VPS13A: variants seen among roughly 807,000 people sequenced by gnomAD.
VPS13A encodes the protein intermembrane lipid transfer protein VPS13A.
Under a neutral mutation model 390.9 loss-of-function variants are expected in VPS13A, and 264 were observed. That is an observed-to-expected ratio of 0.68 (90% confidence interval 0.61 to 0.75). VPS13A has a LOEUF of 0.75. VPS13A is among the 30% of genes least tolerant of loss of function. The pLI, the probability that VPS13A is intolerant of heterozygous loss-of-function variation, is 0.00. For missense variants in VPS13A, 3,409 were observed against 3,733.9 expected (o/e 0.91, Z 2.27); for synonymous variants, 1,231 against 1,227.1 (o/e 1.00, Z -0.07).
intron 3 of VPS13A, among the ~76,000 whole-genome samples, chr9:77,202,371 ATACT>A (rs1254627674): frequency 2.0e-5 from 3 of 152,112 alleles, no homozygotes; most frequent in Admixed American, 6.5e-5. Context: ...TACATTTTAA[ATACT>A]TACAAGTTTA....
intron 33 of VPS13A, among the ~76,000 whole-genome samples, chr9:77,299,857 C>T (rs1056435374): frequency 6.6e-6 from 1 of 152,048 alleles, no homozygotes; most frequent in Non-Finnish European, 1.5e-5. Flanking sequence ...TGTTCTCACT[C>T]ATAAGTGGGA....
chr9:77,205,996 T>G lies in VPS13A; in HGVS notation c.302T>G (p.Leu101Ter). The change falls in exon 5 of 72, where the codon TTA (leucine) becomes TGA (stop). Residue 101 changes from leucine to a stop codon, truncating the protein, a stop_gained. Transcript: ENST00000360280. LOFTEE classifies it high-confidence loss of function. ...VPSSRIKYDP[L>*]KEEKQLMEAK... ...CCTATAGGAATAAAATATGATCCTT[T>G]AAAAGAAGAGAAACAACTCATGGAA... 1 of 1,574,324 alleles carries G rather than the reference T, an allele frequency of 6.4e-7. No homozygotes were observed. Among genetic ancestry groups the G allele is most frequent in the Non-Finnish European group, 8.6e-7 (1 of 1,157,522 alleles).
intron 41 of VPS13A, 99 bp from the exon 42 acceptor site, chr9:77,319,473 A>G (rs1286656517): frequency 3.9e-6 from 3 of 778,924 alleles, no homozygotes; most frequent in South Asian, 1.4e-5. Flanking sequence ...ACTGAATGGC[A>G]TGTAGACTGG....
intron 64 of VPS13A, 34 bp downstream of exon 64, chr9:77,370,366 G>C: frequency 6.2e-7 from 1 of 1,614,122 alleles, no homozygotes; most frequent in Non-Finnish European, 8.5e-7. Context: ...GTATTTTTGT[G>C]CTAGAAAGTA....
rs1416565112 is a variant in VPS13A, at chr9:77,419,784, T to A, written c.*3778T>A. 6.6e-6 allele frequency: 1 copy of A among 152,214 alleles called. No individual in the cohort carries two copies. The highest frequency in any genetic ancestry group is 1.5e-5 in the Non-Finnish European group (1 of 68,038). The allele number at this position is 152,214 out of a possible 1,614,324, so 9.4% of individuals were successfully genotyped here. On this transcript the variant is annotated 3_prime_UTR_variant, in exon 72 of 72. Transcript: ENST00000360280. The stretch of plus-strand genomic sequence containing the variant: ...ATAGAACTGGGGACATACATTGTCC[T>A]TTTGAGTCCGTTGAATCTGCACCAT...
intron 13 of VPS13A, 144 bp from the exon 14 acceptor site, chr9:77,225,782 A>G: frequency 3.3e-6 from 2 of 602,502 alleles, no homozygotes; most frequent in Admixed American, 2.8e-5. Context: ...AGAATTTAAC[A>G]TATGTATTAT....
chr9:77,409,412 G>A (rs551689470), intron 71 of VPS13A, among the ~76,000 whole-genome samples: 6 of 152,280 alleles, frequency 3.9e-5, no homozygotes, highest in African/African-American at 4.8e-5. Context: ...CCAAAGGAAC[G>A]CAGCTCCTCA....
chr9:77,333,241 A>G (rs896362839), intron 46 of VPS13A, among the ~76,000 whole-genome samples: 2 of 152,152 alleles, frequency 1.3e-5, no homozygotes, highest in African/African-American at 2.4e-5. Flanking sequence ...ATCTCTGTCC[A>G]TAGTAGAGAA....
chr9:77,340,838 C>T (rs900472488), intron 50 of VPS13A: 5 of 344,594 alleles, frequency 1.5e-5, no homozygotes, highest in East Asian at 6.4e-5. Context: ...GATGTAAATG[C>T]ACCAAAGAGA....
chr9:77,209,442 A>G lies in VPS13A; in HGVS notation c.405A>G (p.Lys135=), dbSNP rs775270304. ...VVDQEQHLPE[K]QDTFAEKLVT... is the part of the protein sequence containing the mutation. Reference sequence around the variant, plus strand: ...TTGTAGAACAACATCTGCCGGAAAAACAGGACACTTTTGCAGAAAAATTAG... The same window carrying G: ...TTGTAGAACAACATCTGCCGGAAAAGCAGGACACTTTTGCAGAAAAATTAG... Residue 135 remains lysine, a synonymous_variant, in exon 6 of 72, where the codon AAA becomes AAG. Coordinates refer to ENST00000360280, the MANE Select transcript of VPS13A (RefSeq NM_033305.3). The G allele has an allele frequency of 6.8e-6, 11 of 1,612,398 alleles. No individual in the cohort carries two copies. The highest frequency in any genetic ancestry group is 1.3e-5 in the African/African-American group (1 of 74,892).
At position 77,369,283 on chromosome 9, in the gene VPS13A, C is replaced by T; in HGVS notation, c.8554-16C>T. ...CTAATTATCTGAATTGATTAATGTT[C>T]ATATTTTATTTTTAGGCCATTAAGC... is the stretch of plus-strand genomic sequence containing the variant. On this transcript the variant is annotated splice_polypyrimidine_tract_variant and intron_variant, in intron 62 of 71. Transcript: ENST00000360280. 3 of 1,536,036 alleles carry T rather than the reference C, an allele frequency of 2.0e-6. No individual in the cohort carries two copies. The highest frequency in any genetic ancestry group is 2.7e-6 in the Non-Finnish European group (3 of 1,108,988).
chr9:77,361,690 T>C (rs1003110362), intron 59 of VPS13A, among the ~76,000 whole-genome samples: 26 of 152,138 alleles, frequency 1.7e-4, no homozygotes, highest in African/African-American at 5.8e-4. Context: ...CTCAATCACA[T>C]AGTAACCTTA....
intron 26 of VPS13A, 124 bp downstream of exon 26, chr9:77,276,345 C>T: frequency 1.1e-6 from 1 of 912,418 alleles, no homozygotes; most frequent in Non-Finnish European, 1.6e-6. Context: ...AGAACCATTC[C>T]TTTTTGAGTT....
At chr9:77,210,877 C>CTAT (rs1388917284) in intron 7 of VPS13A, among the ~76,000 whole-genome samples, 1 of 152,022 alleles carries the variant, frequency 6.6e-6, no homozygotes, top group Non-Finnish European at 1.5e-5. Context: ...ATATGAGGTC[C>CTAT]TATTATTATT....
At position 77,318,488 on chromosome 9, in the gene VPS13A, T is replaced by C. The variant is rs749863339; in HGVS notation, c.5210T>C (p.Ile1737Thr). Residue 1737 changes from isoleucine (I) to threonine (T), a missense_variant, in exon 41 of 72, where the codon ATT becomes ACT. By Grantham distance (89) the Ile-to-Thr change is moderately conservative. This residue lies in a region of VPS13A where 2,717 missense variants were observed against 2,917.4 expected (regional missense o/e 0.93). Transcript: ENST00000360280. ...ATTTTTATAGTTCTTGAGGCTGGAA[T>C]TGGTCATAGAACAGTACCTATGCTT... is the stretch of plus-strand genomic sequence containing the variant. ...DSIFIVLEAG[I>T]GHRTVPMLLA... The C allele has an allele frequency of 2.5e-6, 4 of 1,613,970 alleles. No homozygotes were observed. Among genetic ancestry groups the C allele is most frequent in the Non-Finnish European group, 3.4e-6 (4 of 1,179,916 alleles).
chr9:77,342,898 C>T (rs566554736), intron 50 of VPS13A, among the ~76,000 whole-genome samples: 9 of 152,142 alleles, frequency 5.9e-5, no homozygotes, highest in Non-Finnish European at 8.8e-5. Context: ...ATTGTCTCAC[C>T]GTCTAGGAAA....
chr9:77,414,088 A>C (rs1316111671), intron 71 of VPS13A, among the ~76,000 whole-genome samples: 3 of 152,208 alleles, frequency 2.0e-5, no homozygotes, highest in Non-Finnish European at 4.4e-5. Flanking sequence ...GTCAGGAAAC[A>C]ACAGGTGCTG....
Position 77,370,508 on chromosome 9 carries a change from G to A in VPS13A, c.8837G>A (p.Arg2946Lys). ...TMDEDYQQKR[R>K]EAMNKQPAGF... ...GATGAAGACTACCAACAGAAGAGAA[G>A]AGAAGCCATGAATAAGCAACCAGCT... The change falls in exon 65 of 72, where the codon AGA becomes AAA. Residue 2946 changes from arginine to lysine, a missense_variant. Coordinates refer to ENST00000360280, the MANE Select transcript of VPS13A (RefSeq NM_033305.3). 1.2e-6 allele frequency: 2 copies of A among 1,614,170 alleles called. No homozygotes were observed. The highest frequency in any genetic ancestry group is 2.2e-5 in the South Asian group (2 of 91,078).
At chr9:77,323,678 T>C (rs1333497560) in intron 45 of VPS13A, among the ~76,000 whole-genome samples, 3 of 152,040 alleles carry the variant, frequency 2.0e-5, no homozygotes, top group African/African-American at 7.2e-5. Flanking sequence ...AATGAACATA[T>C]TTATTTCTTA....
Sources: allele counts gnomAD v4.1 joint callset (sites outside exome capture counted in the v4.1 genomes callset), GRCh38; gene constraint gnomAD v4.1.1; regional missense constraint gnomAD v4.1.1; transcripts MANE v1.5; gene names NCBI Gene and HGNC (gene_info 2026-07-23, HGNC 2026-07-21).